The following SOCS5 variants were observed in gnomAD, a reference collection of about 807,000 sequenced individuals.
SOCS5 encodes suppressor of cytokine signaling 5.
Under a neutral mutation model 42.8 loss-of-function variants are expected in SOCS5, and 32 were observed. The ratio of observed to expected loss-of-function variants is 0.75; its 90% CI spans 0.56 to 1.01. SOCS5 has a LOEUF of 1.01. SOCS5 is among the 50% of genes least tolerant of loss of function. The pLI is 0.00. For missense variants in SOCS5, 627 were observed against 653.0 expected, an observed-to-expected ratio of 0.96 and a Z score of 0.43; for synonymous variants, 283 against 229.6, an observed-to-expected ratio of 1.23 and a Z score of -2.10.
In SOCS5 at chr2:46,759,264, C is replaced by G; in HGVS notation, c.734C>G (p.Thr245Arg). Residue 245 changes from threonine (T) to arginine (R), a missense_variant, in exon 2 of 2, where the codon ACA becomes AGA. Coordinates refer to ENST00000394861, the MANE Select transcript of SOCS5 (RefSeq NM_144949.3). ...ACAGCTCCTGTGAGCCCACATTCAA[C>G]ATTTTTTGATACATTTGATCCATCT... ...QHTAPVSPHS[T>R]FFDTFDPSLV... 3 of 1,614,000 alleles carry G rather than the reference C, an allele frequency of 1.9e-6. No homozygotes were observed. The highest frequency in any genetic ancestry group is 2.5e-6 in the Non-Finnish European group (3 of 1,179,856).
intron 1 of SOCS5, among the ~76,000 whole-genome samples, chr2:46,744,233 G>T (rs1020818837): frequency 6.6e-6 from 1 of 152,024 alleles, no homozygotes; most frequent in East Asian, 1.9e-4. Flanking sequence ...CAAGTGATCC[G>T]CCTGCCTCGG....
chr2:46,732,090 T>G (rs1385406790), intron 1 of SOCS5, among the ~76,000 whole-genome samples: 2 of 152,208 alleles, frequency 1.3e-5, no homozygotes, highest in Admixed American at 1.3e-4. Flanking sequence ...ATGTTCAGGC[T>G]CTGTGGCTGG....
At chr2:46,733,672 C>G (rs751000956) in intron 1 of SOCS5, among the ~76,000 whole-genome samples, 1 of 150,552 alleles carries the variant, frequency 6.6e-6, no homozygotes, top group Non-Finnish European at 1.5e-5. Flanking sequence ...AACATTCTTT[C>G]AAGCAAAAGT....
intron 1 of SOCS5, among the ~76,000 whole-genome samples, chr2:46,751,978 C>T (rs544090549): frequency 6.6e-6 from 1 of 152,256 alleles, no homozygotes; most frequent in East Asian, 1.9e-4. Context: ...GTTATATTGG[C>T]ATGCAGCTAT....
intron 1 of SOCS5, among the ~76,000 whole-genome samples, chr2:46,734,150 T>C (rs1478889407): frequency 6.6e-6 from 1 of 152,190 alleles, no homozygotes; most frequent in Non-Finnish European, 1.5e-5. Flanking sequence ...TGTGGAGCAA[T>C]AGTTGGTGCT....
intron 1 of SOCS5, among the ~76,000 whole-genome samples, chr2:46,736,073 C>T (rs941339026): frequency 8.6e-5 from 13 of 151,078 alleles, no homozygotes; most frequent in Non-Finnish European, 1.5e-5. Context: ...GACAGTCTCT[C>T]TCTCTGGCTC....
chr2:46,759,939 C>T lies in SOCS5; in HGVS notation c.1409C>T (p.Pro470Leu), dbSNP rs1260023531. 1 of 1,613,974 alleles carries T rather than the reference C, an allele frequency of 6.2e-7. No homozygotes were observed. The highest frequency in any genetic ancestry group is 8.5e-7 in the Non-Finnish European group (1 of 1,179,996). Residue 470 changes from proline to leucine, a missense_variant, in exon 2 of 2, where the codon CCA becomes CTA. Physicochemically the swap from Pro to Leu is moderately conservative, Grantham distance 98 (BLOSUM62 -3). This residue lies in a region of SOCS5 where 340 missense variants were observed against 367.6 expected (regional missense o/e 0.92). Coordinates refer to ENST00000394861, the MANE Select transcript of SOCS5 (RefSeq NM_144949.3). ...CCCAGTTCGTGCATGTTTTTTGAAC[C>T]ATTGCTTACTATATCACTAAATAGG... ...KDPSSCMFFEPLLTISLNRTF... is the reference protein window; with the variant it reads ...KDPSSCMFFELLLTISLNRTF...
At chr2:46,732,061 A>G (rs1241198682) in intron 1 of SOCS5, among the ~76,000 whole-genome samples, 2 of 152,178 alleles carry the variant, frequency 1.3e-5, no homozygotes, top group Non-Finnish European at 2.9e-5. Context: ...TGTTTGAGGT[A>G]TATGTGTTGT....
rs1335912471 is a variant in SOCS5, at chr2:46,760,052, T to G, written c.1522T>G (p.Ser508Ala). 1 of 1,613,980 alleles carries G rather than the reference T, an allele frequency of 6.2e-7. No homozygotes were observed. Among genetic ancestry groups the G allele is most frequent in the Admixed American group, 1.7e-5 (1 of 60,006 alleles). Residue 508 changes from serine to alanine, a missense_variant, in exon 2 of 2, where the codon TCA becomes GCA. By Grantham distance (99) the Ser-to-Ala change is moderately conservative (BLOSUM62 1). Transcript: ENST00000394861. ...TGGAATTGATGGGCTCCCTCTACCC[T>G]CAATGTTACAGGATTTTTTAAAAGA... ...YDGIDGLPLPSMLQDFLKEYH... is the reference protein window; with the variant it reads ...YDGIDGLPLPAMLQDFLKEYH...
At chr2:46,718,552 G>C (rs879745390) in intron 1 of SOCS5, among the ~76,000 whole-genome samples, 2 of 152,080 alleles carry the variant, frequency 1.3e-5, no homozygotes, top group Non-Finnish European at 2.9e-5. Flanking sequence ...CATCTACTCA[G>C]AAGGATAATT....
chr2:46,749,032 A>G (rs1232681952), intron 1 of SOCS5, among the ~76,000 whole-genome samples: 25 of 152,186 alleles, frequency 1.6e-4, no homozygotes, highest in Non-Finnish European at 2.9e-4. Flanking sequence ...CACCTTTTAT[A>G]TTAAGGGAGA....
chr2:46,758,546 A>G lies in SOCS5; in HGVS notation c.16A>G (p.Lys6Glu), dbSNP rs375653913. Residue 6 changes from lysine (K) to glutamate (E), a missense_variant, in exon 2 of 2, where the codon AAA (lysine) becomes GAA (glutamate). Physicochemically the swap from Lys to Glu is moderately conservative, Grantham distance 56 (BLOSUM62 1). Coordinates refer to ENST00000394861, the MANE Select transcript of SOCS5 (RefSeq NM_144949.3). Reference protein sequence around the residue: MDKVGKMWNNFKYRCQ... With the variant: MDKVGEMWNNFKYRCQ... ...TTTATAATCAATGGATAAAGTGGGAAAAATGTGGAATAACTTCAAATACAG... is the reference window on the plus strand; with the variant it reads ...TTTATAATCAATGGATAAAGTGGGAGAAATGTGGAATAACTTCAAATACAG... 1 of 1,588,096 alleles carries G rather than the reference A, an allele frequency of 6.3e-7. No individual in the cohort carries two copies. The highest frequency in any genetic ancestry group is 1.4e-5 in the African/African-American group (1 of 73,322).
chr2:46,704,420 G>A (rs1672415539), intron 1 of SOCS5, among the ~76,000 whole-genome samples: 1 of 152,226 alleles, frequency 6.6e-6, no homozygotes, highest in African/African-American at 2.4e-5. Context: ...GGAACTGCAG[G>A]TTAGACCTGC....
In SOCS5 at chr2:46,758,844, G is replaced by C; in HGVS notation, c.314G>C (p.Gly105Ala). The C allele has an allele frequency of 6.2e-7, 1 of 1,613,992 alleles. No individual in the cohort carries two copies. Among genetic ancestry groups the C allele is most frequent in the East Asian group, 2.2e-5 (1 of 44,876 alleles). The change falls in exon 2 of 2, where the codon GGA (glycine) becomes GCA (alanine). Residue 105 changes from glycine to alanine, a missense_variant. Coordinates refer to ENST00000394861, the MANE Select transcript of SOCS5 (RefSeq NM_144949.3). ...EKDNDSCVTPGTRLARRDSYS... is the reference protein window; with the variant it reads ...EKDNDSCVTPATRLARRDSYS... ...GATAATGATTCTTGTGTTACCCCAG[G>C]AACAAGACTTGCACGAAGAGATTCC...
intron 1 of SOCS5, among the ~76,000 whole-genome samples, chr2:46,711,571 C>T (rs765532545): frequency 2.8e-4 from 43 of 152,162 alleles, no homozygotes; most frequent in Non-Finnish European, 5.0e-4. Context: ...TGTGGCTTGA[C>T]TGTTCATTGT....
At chr2:46,715,917 A>G (rs889975685) in intron 1 of SOCS5, among the ~76,000 whole-genome samples, 16 of 151,982 alleles carry the variant, frequency 1.1e-4, no homozygotes, top group African/African-American at 3.6e-4. Context: ...AATCCCACAT[A>G]TGTTCAACCA....
intron 1 of SOCS5, among the ~76,000 whole-genome samples, chr2:46,720,660 G>T (rs1011452841): frequency 5.3e-5 from 8 of 152,172 alleles, no homozygotes; most frequent in Non-Finnish European, 1.5e-5. Flanking sequence ...TGTATTTGTA[G>T]ATTGTGGTAT....
At chr2:46,732,892 G>A (rs1673156161) in intron 1 of SOCS5, among the ~76,000 whole-genome samples, 1 of 152,056 alleles carries the variant, frequency 6.6e-6, no homozygotes, top group South Asian at 2.1e-4. Flanking sequence ...CTTTTATATG[G>A]TGATGAGTTA....
At chr2:46,708,865 A>G (rs958960152) in intron 1 of SOCS5, among the ~76,000 whole-genome samples, 1 of 147,334 alleles carries the variant, frequency 6.8e-6, no homozygotes, top group African/African-American at 2.5e-5. Context: ...CTGAACAGAT[A>G]CTGAATCCTG....
Sources: gnomAD v4.1 joint callset for allele counts (sites outside exome capture counted in the v4.1 genomes callset) on GRCh38, gnomAD v4.1.1 for gene constraint, gnomAD v4.1.1 regional missense constraint, MANE v1.5 for transcripts, NCBI Gene and HGNC (gene_info 2026-07-23, HGNC 2026-07-21) for gene names.